The following UNC5D variants were observed in gnomAD, a reference collection of about 807,000 sequenced individuals.
The protein encoded by UNC5D is unc-5 netrin receptor D.
UNC5D carries 39 observed loss-of-function variants against 105.4 expected under a neutral mutation model. The observed-to-expected ratio is 0.37, with a 90% CI of 0.29 to 0.48. The LOEUF (loss-of-function observed/expected upper bound fraction) is 0.48. UNC5D is among the 20% of genes least tolerant of loss of function. The probability of loss-of-function intolerance (pLI) is 0.98; values close to 1 mark genes in which losing one functional copy is unlikely to be tolerated. For missense variants in UNC5D, 991 were observed against 1,202.4 expected (o/e 0.82, Z 2.60); for synonymous variants, 452 against 450.4 (o/e 1.00, Z -0.04).
At position 35,608,941 on chromosome 8, in the gene UNC5D, T is replaced by C. The variant is rs114126343; in HGVS notation, c.570+13284T>C. On this transcript the variant is annotated intron_variant, in intron 4 of 16. Transcript: ENST00000404895. ...GATACTCAGTAGTGAGATTGCAGGA[T>C]CTAATGGTAATTCTGTTTTTATTTC... Among the ~76,000 whole-genome samples the C allele has an allele frequency of 6.6e-3, 1,011 of 152,264 alleles. 14 individuals carry two copies. The highest frequency in any genetic ancestry group is 0.022 in the African/African-American group (929 of 41,536).
chr8:35,605,387 C>T (rs776253901), intron 4 of UNC5D, among the ~76,000 whole-genome samples: 28 of 152,320 alleles, frequency 1.8e-4, no homozygotes, highest in Middle Eastern at 6.8e-3. Flanking sequence ...ATGCTGCTGC[C>T]TGATCGTTCC....
intron 11 of UNC5D, among the ~76,000 whole-genome samples, chr8:35,735,661 A>C (rs1381547205): frequency 6.6e-6 from 1 of 152,270 alleles, no homozygotes; most frequent in Non-Finnish European, 1.5e-5. Context: ...AAAGGCAAAA[A>C]GAATCTAGCT....
intron 1 of UNC5D, among the ~76,000 whole-genome samples, chr8:35,486,882 T>C (rs1810856087): frequency 6.6e-6 from 1 of 152,116 alleles, no homozygotes; most frequent in South Asian, 2.1e-4. Flanking sequence ...AAACCCAGGC[T>C]AGGAGATGAG....
intron 4 of UNC5D, among the ~76,000 whole-genome samples, chr8:35,605,240 G>A (rs558543073): frequency 6.6e-6 from 1 of 152,290 alleles, no homozygotes; most frequent in South Asian, 2.1e-4. Flanking sequence ...TGTCCTTTCT[G>A]TTTGTTAGTT....
At chr8:35,308,972 G>C (rs1312809423) in intron 1 of UNC5D, among the ~76,000 whole-genome samples, 1 of 152,106 alleles carries the variant, frequency 6.6e-6, no homozygotes, top group African/African-American at 2.4e-5. Context: ...AGGGAGGAGA[G>C]AGCCCGGCTG....
At chr8:35,743,116 GA>G (rs1237922072) in intron 11 of UNC5D, among the ~76,000 whole-genome samples, 1 of 152,172 alleles carries the variant, frequency 6.6e-6, no homozygotes, top group Non-Finnish European at 1.5e-5. Context: ...CATCAAGACA[GA>G]AAGTCAGCAA....
At chr8:35,266,810 C>G (rs1456636288) in intron 1 of UNC5D, among the ~76,000 whole-genome samples, 1 of 152,150 alleles carries the variant, frequency 6.6e-6, no homozygotes, top group Non-Finnish European at 1.5e-5. Flanking sequence ...AATGGAGCAC[C>G]TACACATGGC....
At chr8:35,701,541 T>TA (rs147394918) in intron 7 of UNC5D, among the ~76,000 whole-genome samples, 4,474 of 151,964 alleles carry the variant, frequency 0.029, 226 homozygotes, top group African/African-American at 0.1. Context: ...GCATGGAATA[T>TA]AAAAAAGGAA....
At chr8:35,591,523 C>CTAT (rs551236884) in intron 3 of UNC5D, among the ~76,000 whole-genome samples, 1 of 151,880 alleles carries the variant, frequency 6.6e-6, no homozygotes, top group Non-Finnish European at 1.5e-5. Flanking sequence ...GCTTAGAGAA[C>CTAT]TATTATTATT....
chr8:35,750,397 T>C (rs1830216061), intron 12 of UNC5D, among the ~76,000 whole-genome samples, 185 bp from the exon 13 acceptor site: 1 of 152,028 alleles, frequency 6.6e-6, no homozygotes, highest in Non-Finnish European at 1.5e-5. Context: ...AGCCCATTTC[T>C]TGAGTTCTTG....
intron 1 of UNC5D, among the ~76,000 whole-genome samples, chr8:35,303,120 C>A (rs1808083301): frequency 6.6e-6 from 1 of 151,870 alleles, no homozygotes; most frequent in Non-Finnish European, 1.5e-5. Context: ...AGGTATTTTT[C>A]TTTTTTTAAT....
chr8:35,691,245 G>A (rs1826369072), intron 7 of UNC5D, among the ~76,000 whole-genome samples: 1 of 152,132 alleles, frequency 6.6e-6, no homozygotes, highest in Admixed American at 6.6e-5. Context: ...GCAGGTGGGG[G>A]ACCCAGGAGG....
At chr8:35,431,487 TA>T (rs1220538881) in intron 1 of UNC5D, among the ~76,000 whole-genome samples, 1 of 152,094 alleles carries the variant, frequency 6.6e-6, no homozygotes, top group Non-Finnish European at 1.5e-5. Flanking sequence ...GCTCCTTAAG[TA>T]AACAAAAAAG....
intron 1 of UNC5D, among the ~76,000 whole-genome samples, chr8:35,537,862 ATTTATT>A (rs1701569073): frequency 6.6e-6 from 1 of 152,024 alleles, no homozygotes; most frequent in Middle Eastern, 3.4e-3. Context: ...TCACAGCTTC[ATTTATT>A]TTTATTTTTA....
At chr8:35,734,358 A>G (rs1240457437) in intron 11 of UNC5D, among the ~76,000 whole-genome samples, 1 of 150,972 alleles carries the variant, frequency 6.6e-6, no homozygotes, top group Non-Finnish European at 1.5e-5. Flanking sequence ...AAAAAAAAAA[A>G]AAAAGCCTGT....
At chr8:35,700,681 G>A (rs1563682668) in intron 7 of UNC5D, among the ~76,000 whole-genome samples, 1 of 152,090 alleles carries the variant, frequency 6.6e-6, no homozygotes, top group African/African-American at 2.4e-5. Context: ...AGTTGACGAT[G>A]GAGAGAGTTA....
chr8:35,416,109 T>G (rs910455635), intron 1 of UNC5D, among the ~76,000 whole-genome samples: 3 of 152,120 alleles, frequency 2.0e-5, no homozygotes, highest in Admixed American at 1.3e-4. Flanking sequence ...CTGATGTGAT[T>G]ATTATGCATT....
Position 35,769,769 on chromosome 8 carries a change from C to A in UNC5D, c.2478+2703C>A, listed in dbSNP as rs185742188. Among the ~76,000 whole-genome samples the A allele has an allele frequency of 7.5e-4, 114 of 152,216 alleles. 1 individual carries two copies. The highest frequency in any genetic ancestry group is 6.3e-3 in the Admixed American group (97 of 15,286). On this transcript the variant is annotated intron_variant, in intron 15 of 16. Transcript: ENST00000404895. Reference sequence around the variant, plus strand: ...CACAAGGTCAGGAGATCAAGACCATCCTGGCTAACACATGAAACCCCGTCT... The same window carrying A: ...CACAAGGTCAGGAGATCAAGACCATACTGGCTAACACATGAAACCCCGTCT...
intron 1 of UNC5D, among the ~76,000 whole-genome samples, chr8:35,259,148 T>A (rs1038643183): frequency 1.3e-5 from 2 of 152,170 alleles, no homozygotes; most frequent in Admixed American, 1.3e-4. Flanking sequence ...GTCCTTTCGA[T>A]AATGTAATTC....
Sources: gnomAD v4.1 joint callset for allele counts (sites outside exome capture counted in the v4.1 genomes callset) on GRCh38, gnomAD v4.1.1 for gene constraint, MANE v1.5 for transcripts, NCBI Gene and HGNC (gene_info 2026-07-23, HGNC 2026-07-21) for gene names.